Variants in ASTN2 observed in about 807,000 individuals in gnomAD.
The protein encoded by ASTN2 is astrotactin 2, also known as astrotactin-2.
In ASTN2, 54 loss-of-function variants were observed where a neutral mutation model predicts 139.8. The ratio of observed to expected loss-of-function variants is 0.39; its 90% CI spans 0.31 to 0.48. The LOEUF (loss-of-function observed/expected upper bound fraction) is 0.48. Among genes scored for constraint, ASTN2 ranks in the 20% least tolerant of loss-of-function variants. ASTN2 has a pLI of 0.95. For synonymous variants in ASTN2, 756 were observed against 719.5 expected (o/e 1.05, Z -0.81); for missense variants, 1,565 against 1,725.1 (o/e 0.91, Z 1.64).
chr9:116,871,129 G>T (rs902067344), intron 10 of ASTN2, among the ~76,000 whole-genome samples: 13 of 152,060 alleles, frequency 8.5e-5, no homozygotes, highest in African/African-American at 3.1e-4. Context: ...GTGGTGGTGG[G>T]CACCTGTAGT....
intron 13 of ASTN2, among the ~76,000 whole-genome samples, chr9:116,785,668 A>C (rs1830352863): frequency 6.6e-6 from 1 of 152,168 alleles, no homozygotes; most frequent in South Asian, 2.1e-4. Context: ...TCAGGGCACT[A>C]ACCTTGCCTC....
intron 2 of ASTN2, among the ~76,000 whole-genome samples, chr9:117,252,558 G>A (rs1391828998): frequency 6.6e-6 from 1 of 152,084 alleles, no homozygotes; most frequent in Non-Finnish European, 1.5e-5. Context: ...TCCCAACTAT[G>A]TTCTTTGCAC....
chr9:117,353,197 A>G (rs1829438096), intron 1 of ASTN2, among the ~76,000 whole-genome samples: 2 of 152,198 alleles, frequency 1.3e-5, no homozygotes, highest in Non-Finnish European at 2.9e-5. Flanking sequence ...CCACAGTAAA[A>G]AAAAAATCAC....
intron 4 of ASTN2, among the ~76,000 whole-genome samples, chr9:117,115,948 C>A (rs1034533022): frequency 1.3e-5 from 2 of 151,300 alleles, no homozygotes; most frequent in African/African-American, 2.4e-5. Context: ...TGGCGTGAAC[C>A]CAGAAGGCGG....
At chr9:117,337,838 A>C (rs1045615399) in intron 1 of ASTN2, among the ~76,000 whole-genome samples, 1 of 152,130 alleles carries the variant, frequency 6.6e-6, no homozygotes, top group Non-Finnish European at 1.5e-5. Flanking sequence ...TATCCAAGGC[A>C]TGGGGGTGGG....
intron 11 of ASTN2, among the ~76,000 whole-genome samples, chr9:116,838,894 G>T (rs958373113): frequency 6.6e-6 from 1 of 152,134 alleles, no homozygotes; most frequent in African/African-American, 2.4e-5. Flanking sequence ...GGGAAAATTA[G>T]CTCTGAAGTA....
intron 1 of ASTN2, among the ~76,000 whole-genome samples, chr9:117,292,002 G>A (rs577318282): frequency 2.0e-5 from 3 of 152,134 alleles, no homozygotes; most frequent in Non-Finnish European, 4.4e-5. Flanking sequence ...GGTAGCTCAG[G>A]GTCATCTTGC....
At chr9:116,927,362 C>G (rs550322637) in intron 10 of ASTN2, among the ~76,000 whole-genome samples, 95 of 152,300 alleles carry the variant, frequency 6.2e-4, no homozygotes, top group African/African-American at 2.2e-3. Flanking sequence ...AATGTAGAGC[C>G]ATGATAAGCC....
Position 116,820,657 on chromosome 9 carries a change from G to T in ASTN2, c.2167C>A (p.Pro723Thr). ...QLCLQQTLPL[P>T]YDATSSTIFM... is the part of the protein sequence containing the mutation. ...ATGGTGCTCGAAGTGGCATCGTAGG[G>T]CAGGGGCAGCGTCTGCTGCAGGCAC... The change falls in exon 12 of 23, where the codon CCC becomes ACC. Residue 723 changes from proline (P) to threonine (T), a missense_variant. Pro to Thr is a conservative substitution (Grantham distance 38). Around this residue, in one of 4 missense-constraint regions of ASTN2, gnomAD observed 503 missense variants for 591.7 expected, o/e 0.85. Coordinates refer to ENST00000313400, the MANE Select transcript of ASTN2 (RefSeq NM_001365068.1). 1 of 1,614,162 alleles carries T rather than the reference G, an allele frequency of 6.2e-7. No homozygotes were observed. Among genetic ancestry groups the T allele is most frequent in the East Asian group, 2.2e-5 (1 of 44,880 alleles).
chr9:117,250,661 C>T (rs887820950), intron 2 of ASTN2, among the ~76,000 whole-genome samples: 1 of 152,082 alleles, frequency 6.6e-6, no homozygotes, highest in Non-Finnish European at 1.5e-5. Flanking sequence ...CAAAAAACAG[C>T]AATTACTTTT....
chr9:117,347,560 T>C (rs951214928), intron 1 of ASTN2, among the ~76,000 whole-genome samples: 5 of 152,214 alleles, frequency 3.3e-5, no homozygotes, highest in Admixed American at 2.0e-4. Context: ...ATCACACAGC[T>C]AGCTAGTAAG....
intron 10 of ASTN2, among the ~76,000 whole-genome samples, chr9:116,958,373 A>G (rs1835780064): frequency 6.6e-6 from 1 of 152,066 alleles, no homozygotes; most frequent in Non-Finnish European, 1.5e-5. Context: ...GGCAGATCAC[A>G]AGGTCAGGAG....
intron 12 of ASTN2, among the ~76,000 whole-genome samples, chr9:116,813,165 A>G (rs893074686): frequency 6.6e-6 from 1 of 152,188 alleles, no homozygotes; most frequent in Non-Finnish European, 1.5e-5. Flanking sequence ...CTATTTATAC[A>G]TGTGCCAAAA....
intron 3 of ASTN2, among the ~76,000 whole-genome samples, chr9:117,184,754 TC>T (rs1018384328): frequency 3.9e-5 from 6 of 152,132 alleles, no homozygotes; most frequent in Non-Finnish European, 7.3e-5. Context: ...TTAATGTATA[TC>T]CACACCCCAC....
chr9:116,571,290 C>G (rs59299461), intron 19 of ASTN2, among the ~76,000 whole-genome samples: 24,578 of 152,156 alleles, frequency 0.16, 2,175 homozygotes, highest in African/African-American at 0.22. Flanking sequence ...CTATCATGAC[C>G]GAGGCAGAGA....
intron 6 of ASTN2, among the ~76,000 whole-genome samples, chr9:117,036,097 T>A (rs1371914268): frequency 1.3e-5 from 2 of 152,176 alleles, no homozygotes; most frequent in Non-Finnish European, 2.9e-5. Context: ...TAATAATCCT[T>A]ATTTTACAGA....
At chr9:116,730,892 T>A (rs1828759593) in intron 14 of ASTN2, among the ~76,000 whole-genome samples, 1 of 152,222 alleles carries the variant, frequency 6.6e-6, no homozygotes, top group South Asian at 2.1e-4. Context: ...CCTGGATTCA[T>A]GCCTGAAATA....
chr9:117,111,870 AT>A (rs1366322894), intron 4 of ASTN2, among the ~76,000 whole-genome samples: 3 of 152,114 alleles, frequency 2.0e-5, no homozygotes, highest in Admixed American at 2.0e-4. Context: ...TTTTTTAAAG[AT>A]GACATAATTA....
chr9:117,256,978 AAAG>A (rs1833704409), intron 2 of ASTN2, among the ~76,000 whole-genome samples: 1 of 152,236 alleles, frequency 6.6e-6, no homozygotes, highest in Admixed American at 6.5e-5. Context: ...TGGAAAAAAA[AAAG>A]GAGACAGAAG....
Sources: gnomAD v4.1 joint callset for allele counts (sites outside exome capture counted in the v4.1 genomes callset) on GRCh38, gnomAD v4.1.1 for gene constraint, gnomAD v4.1.1 regional missense constraint, MANE v1.5 for transcripts, NCBI Gene and HGNC (gene_info 2026-07-23, HGNC 2026-07-21) for gene names.